MAGI3: variants seen among roughly 807,000 people sequenced by gnomAD.
MAGI3 encodes the protein membrane associated guanylate kinase, WW and PDZ domain containing 3, also known as membrane-associated guanylate kinase, WW and PDZ domain-containing protein 3.
Under a neutral mutation model 121.8 loss-of-function variants are expected in MAGI3, and 43 were observed. That is an observed-to-expected ratio of 0.35 (90% CI 0.28 to 0.46). The LOEUF is 0.46. MAGI3 is among the 20% of genes least tolerant of loss of function. The probability of loss-of-function intolerance (pLI) is 1.00; values close to 1 mark genes in which losing one functional copy is unlikely to be tolerated. For missense variants in MAGI3, 1,547 were observed against 1,797.3 expected, an observed-to-expected ratio of 0.86 and a Z score of 2.52; for synonymous variants, 553 against 639.3, an observed-to-expected ratio of 0.86 and a Z score of 2.04.
At position 113,572,707 on chromosome 1, in the gene MAGI3, G is replaced by T. The variant is rs560582279; in HGVS notation, c.434-7835G>T. 2.6e-3 allele frequency among the ~76,000 whole-genome samples: 396 copies of T among 152,242 alleles called. 1 individual carries two copies. The highest frequency in any genetic ancestry group is 8.3e-3 in the African/African-American group (344 of 41,534). ...GAGGCATTTATGGTATTCTCTGAAG[G>T]TAGTTTGTATTTCTGTGGGATCAGT... On this transcript the variant is annotated intron_variant, in intron 2 of 20. Transcript: ENST00000307546.
At chr1:113,574,502 G>A (rs979661894) in intron 2 of MAGI3, among the ~76,000 whole-genome samples, 6 of 152,180 alleles carry the variant, frequency 3.9e-5, no homozygotes, top group African/African-American at 1.4e-4. Flanking sequence ...CTTTAAGAAT[G>A]TTGAATATTG....
chr1:113,550,797 A>T (rs535742792), intron 2 of MAGI3, among the ~76,000 whole-genome samples: 8 of 150,722 alleles, frequency 5.3e-5, no homozygotes, highest in South Asian at 4.2e-4. Context: ...ATATATATAT[A>T]TTTTTACATG....
chr1:113,463,166 A>G (rs1347565032), intron 1 of MAGI3, among the ~76,000 whole-genome samples: 1 of 152,076 alleles, frequency 6.6e-6, no homozygotes, highest in Non-Finnish European at 1.5e-5. Flanking sequence ...TGAAGTGTGT[A>G]TTAAATATCC....
At chr1:113,397,666 T>G (rs1383995538) in intron 1 of MAGI3, among the ~76,000 whole-genome samples, 1 of 152,212 alleles carries the variant, frequency 6.6e-6, no homozygotes, top group Non-Finnish European at 1.5e-5. Flanking sequence ...ATTGTTTAAA[T>G]GTATAGGTAG....
intron 15 of MAGI3, among the ~76,000 whole-genome samples, chr1:113,655,697 C>T (rs1326070561): frequency 6.6e-6 from 1 of 151,962 alleles, no homozygotes; most frequent in Non-Finnish European, 1.5e-5. Flanking sequence ...GGATTCAAGT[C>T]CTGCTTATGT....
At chr1:113,649,751 C>T (rs1482691178) in intron 13 of MAGI3, among the ~76,000 whole-genome samples, 1 of 152,158 alleles carries the variant, frequency 6.6e-6, no homozygotes, top group Non-Finnish European at 1.5e-5. Flanking sequence ...ATTGTTTCAC[C>T]TCGTCTTATT....
intron 1 of MAGI3, among the ~76,000 whole-genome samples, chr1:113,526,821 G>T (rs1297319667): frequency 1.3e-5 from 2 of 152,034 alleles, no homozygotes; most frequent in Non-Finnish European, 1.5e-5. Context: ...TTGGGAGATG[G>T]TATCAACAGT....
In MAGI3 at chr1:113,672,609, T is replaced by C. The variant is rs1280207741; in HGVS notation, c.2919-6T>C. ...CAGAGAGTGACTTGATTTCTCTCTC[T>C]TGTAGAAGTGCCCTAGAAGGTGAAA... On this transcript the variant is annotated splice_polypyrimidine_tract_variant and splice_region_variant and intron_variant, in intron 17 of 20. Coordinates refer to ENST00000307546, the MANE Select transcript of MAGI3 (RefSeq NM_001142782.2). 1 of 1,611,774 alleles carries C rather than the reference T, an allele frequency of 6.2e-7. No individual in the cohort carries two copies. The highest frequency in any genetic ancestry group is 1.1e-5 in the South Asian group (1 of 90,562).
At chr1:113,447,408 A>C (rs1167262827) in intron 1 of MAGI3, among the ~76,000 whole-genome samples, 14 of 152,234 alleles carry the variant, frequency 9.2e-5, no homozygotes, top group Non-Finnish European at 2.1e-4. Context: ...AGTAGCATTA[A>C]ATCATTCATA....
intron 1 of MAGI3, among the ~76,000 whole-genome samples, chr1:113,514,881 T>G (rs571629512): frequency 2.0e-5 from 3 of 152,240 alleles, no homozygotes; most frequent in African/African-American, 7.2e-5. Flanking sequence ...TGGGAAAGAA[T>G]AATATTACAG....
intron 1 of MAGI3, among the ~76,000 whole-genome samples, chr1:113,512,603 C>A (rs1657673001): frequency 6.6e-6 from 1 of 152,164 alleles, no homozygotes; most frequent in Admixed American, 6.6e-5. Flanking sequence ...TGAGGCAAAA[C>A]ATTTGTACCC....
chr1:113,454,848 A>G (rs79907807), intron 1 of MAGI3, among the ~76,000 whole-genome samples: 3,548 of 152,316 alleles, frequency 0.023, 132 homozygotes, highest in African/African-American at 0.081. Context: ...TGCTCAGTAA[A>G]TGATAGTCAT....
intron 9 of MAGI3, among the ~76,000 whole-genome samples, chr1:113,632,847 G>T (rs2101805119): frequency 6.6e-6 from 1 of 151,828 alleles, no homozygotes; most frequent in South Asian, 2.1e-4. Flanking sequence ...AAACTAGAAT[G>T]AATTTTTAAA....
At chr1:113,612,188 C>T (rs886164152) in intron 6 of MAGI3, among the ~76,000 whole-genome samples, 4 of 152,166 alleles carry the variant, frequency 2.6e-5, no homozygotes, top group Admixed American at 6.5e-5. Context: ...ATGATCCGCC[C>T]GCCTTGGCCT....
chr1:113,433,598 T>C (rs1339653658), intron 1 of MAGI3, among the ~76,000 whole-genome samples: 2 of 152,202 alleles, frequency 1.3e-5, no homozygotes, highest in African/African-American at 4.8e-5. Context: ...CATTCATTGA[T>C]ATTTAGTGAC....
chr1:113,397,279 A>T (rs1651164954), intron 1 of MAGI3, among the ~76,000 whole-genome samples: 1 of 152,222 alleles, frequency 6.6e-6, no homozygotes, highest in Non-Finnish European at 1.5e-5. Flanking sequence ...ACATGAAGTG[A>T]AAGAATGATT....
At chr1:113,420,457 A>G (rs1269063313) in intron 1 of MAGI3, among the ~76,000 whole-genome samples, 6 of 152,222 alleles carry the variant, frequency 3.9e-5, no homozygotes, top group Admixed American at 2.0e-4. Flanking sequence ...TGCTTAGACA[A>G]TCAAACCTAC....
intron 2 of MAGI3, among the ~76,000 whole-genome samples, chr1:113,561,541 A>C (rs778812950): frequency 2.0e-5 from 3 of 152,240 alleles, no homozygotes; most frequent in Non-Finnish European, 2.9e-5. Flanking sequence ...GATGCAGAAA[A>C]GGCCTTTGAT....
At chr1:113,406,276 C>T (rs1170251254) in intron 1 of MAGI3, among the ~76,000 whole-genome samples, 1 of 88,704 alleles carries the variant, frequency 1.1e-5, no homozygotes, top group African/African-American at 4.3e-5. Flanking sequence ...CTTTTGTCTA[C>T]AGAAAAAAAA....
Sources: gnomAD v4.1 joint callset for allele counts (sites outside exome capture counted in the v4.1 genomes callset) on GRCh38, gnomAD v4.1.1 for gene constraint, MANE v1.5 for transcripts, NCBI Gene and HGNC (gene_info 2026-07-23, HGNC 2026-07-21) for gene names.